The following PLEKHA8 variants were observed in gnomAD, a reference collection of about 807,000 sequenced individuals.
PLEKHA8 encodes pleckstrin homology domain containing A8.
Under a neutral mutation model 68.2 loss-of-function variants are expected in PLEKHA8, and 36 were observed. The ratio of observed to expected loss-of-function variants is 0.53; its 90% CI spans 0.40 to 0.70. The LOEUF (loss-of-function observed/expected upper bound fraction) is 0.70, where lower values mean the gene tolerates loss of function less well. Among genes scored for constraint, PLEKHA8 ranks in the 30% least tolerant of loss-of-function variants. The pLI is 0.00. For synonymous variants in PLEKHA8, 211 were observed against 216.1 expected (o/e 0.98, Z 0.20); for missense variants, 505 against 615.4 (o/e 0.82, Z 1.90).
At chr7:30,117,917 ATTT>A in intron 13 of PLEKHA8, 1 of 1,257,720 alleles carries the variant, frequency 8.0e-7, no homozygotes, top group Non-Finnish European at 1.1e-6. Context: ...CTTTATTCAT[ATTT>A]TTATTTTTTA....
chr7:30,105,906 TTTTAA>T (rs1376828804), intron 13 of PLEKHA8, among the ~76,000 whole-genome samples: 84 of 152,344 alleles, frequency 5.5e-4, no homozygotes, highest in African/African-American at 1.9e-3. Flanking sequence ...GTGTTTTAAA[TTTTAA>T]TTTAATCAAA....
Position 30,080,812 on chromosome 7 carries a change from C to T in PLEKHA8, c.*2025C>T, listed in dbSNP as rs1794893498. 1.0e-6 allele frequency: 1 copy of T among 985,244 alleles called. No homozygotes were observed. The highest frequency in any genetic ancestry group is 1.7e-5 in the African/African-American group (1 of 57,208). 61.0% of individuals were successfully genotyped at this position (985,244 alleles called of 1,614,324 possible). ...TGATGGCAGGACTCGGGGATAGTCC[C>T]TGCCCTTGACATAGCCCCCTAAAAC... On this transcript the variant is annotated 3_prime_UTR_variant, in exon 14 of 14. Transcript: ENST00000449726.
chr7:30,097,213 C>A (rs1441406311), intron 13 of PLEKHA8, among the ~76,000 whole-genome samples: 1 of 152,216 alleles, frequency 6.6e-6, no homozygotes, highest in Non-Finnish European at 1.5e-5. Flanking sequence ...GTCTGATGAA[C>A]TTCCCTTTGT....
intron 13 of PLEKHA8, among the ~76,000 whole-genome samples, chr7:30,112,867 T>G (rs1796316633): frequency 6.6e-6 from 1 of 151,542 alleles, no homozygotes; most frequent in African/African-American, 2.4e-5. Context: ...ACCACTGCAC[T>G]CCAGTTGGGG....
At position 30,083,965 on chromosome 7, in the gene PLEKHA8, T is replaced by G; in HGVS notation, c.*5178T>G. The G allele has an allele frequency of 1.0e-6, 1 of 985,462 alleles. No homozygotes were observed. The highest frequency in any genetic ancestry group is 1.2e-6 in the Non-Finnish European group (1 of 829,904). The allele number at this position is 985,462 out of a possible 1,614,324, so 61.0% of individuals were successfully genotyped here. ...AGGAAGGATGCTCTAGAAGTACTTC[T>G]GTTGTTTCCTAGAAGGCTATGAGCC... On this transcript the variant is annotated 3_prime_UTR_variant, in exon 14 of 14. Coordinates refer to ENST00000449726, the MANE Select transcript of PLEKHA8 (RefSeq NM_001197026.2).
At chr7:30,056,306 C>CTATATATATATA (rs1215690448) in intron 9 of PLEKHA8, among the ~76,000 whole-genome samples, 3 of 90,242 alleles carry the variant, frequency 3.3e-5, no homozygotes, top group African/African-American at 1.1e-4. Flanking sequence ...CTCTCTCTCT[C>CTATATATATATA]TCTCTCTATA....
intron 13 of PLEKHA8, among the ~76,000 whole-genome samples, chr7:30,127,212 G>A (rs1347212192): frequency 2.6e-5 from 4 of 152,154 alleles, no homozygotes; most frequent in Admixed American, 6.5e-5. Context: ...TAAAGTTGAC[G>A]TTACTTATGG....
intron 1 of PLEKHA8, among the ~76,000 whole-genome samples, chr7:30,039,754 G>A (rs539620693): frequency 1.2e-3 from 176 of 151,954 alleles, no homozygotes; most frequent in African/African-American, 4.1e-3. Flanking sequence ...ATATATAAGA[G>A]CATGTCTGTG....
chr7:30,116,025 T>TATGC (rs1796514246), intron 13 of PLEKHA8: 2 of 148,128 alleles, frequency 1.4e-5, no homozygotes, highest in Non-Finnish European at 3.0e-5. Flanking sequence ...CATACATACG[T>TATGC]ATACATACAT....
chr7:30,117,932 A>G, intron 13 of PLEKHA8: 1 of 1,433,478 alleles, frequency 7.0e-7, no homozygotes, highest in Non-Finnish European at 9.4e-7. Context: ...TATTTTTTAA[A>G]AAATTTAAAA....
chr7:30,066,438 G>A, intron 12 of PLEKHA8, among the ~76,000 whole-genome samples: 1 of 152,080 alleles, frequency 6.6e-6, no homozygotes, highest in East Asian at 1.9e-4. Flanking sequence ...TTTTGCACTT[G>A]AGCCATCACT....
intron 13 of PLEKHA8, among the ~76,000 whole-genome samples, chr7:30,098,023 T>C: frequency 6.6e-6 from 1 of 152,202 alleles, no homozygotes; most frequent in South Asian, 2.1e-4. Context: ...GTCCTTTCTG[T>C]TTGTTAGTTT....
At position 30,082,693 on chromosome 7, in the gene PLEKHA8, A is replaced by G; in HGVS notation, c.*3906A>G. On this transcript the variant is annotated 3_prime_UTR_variant, in exon 14 of 14. Transcript: ENST00000449726. ...TATGTGATAGGGACCAAATAAGTAAAGTACATTTTTCTCCACTAAATTTGA... is the reference window on the plus strand; with the variant it reads ...TATGTGATAGGGACCAAATAAGTAAGGTACATTTTTCTCCACTAAATTTGA... 1 of 985,134 alleles carries G rather than the reference A, an allele frequency of 1.0e-6. No individual in the cohort carries two copies. The highest frequency in any genetic ancestry group is 1.2e-6 in the Non-Finnish European group (1 of 829,630). The allele number at this position is 985,134 out of a possible 1,614,324, so 61.0% of individuals were successfully genotyped here.
At chr7:30,077,837 T>C (rs1794702907) in intron 13 of PLEKHA8, among the ~76,000 whole-genome samples, 1 of 152,146 alleles carries the variant, frequency 6.6e-6, no homozygotes, top group African/African-American at 2.4e-5. Flanking sequence ...TTAGGAAATA[T>C]TGGCCCGCAA....
rs904211599 is a variant in PLEKHA8 at position 30,028,539 on chromosome 7, C to T, written c.-224C>T. 1.9e-5 allele frequency: 7 copies of T among 374,208 alleles called. No individual in the cohort carries two copies. The highest frequency in any genetic ancestry group is 3.3e-5 in the Non-Finnish European group (7 of 211,076). 23.2% of individuals were successfully genotyped at this position (374,208 alleles called of 1,614,324 possible). On this transcript the variant is annotated 5_prime_UTR_variant, in exon 1 of 14. The change creates a new upstream start codon in the 5' untranslated region. Transcript: ENST00000449726. The stretch of plus-strand genomic sequence containing the variant: ...TGAACAGCGTGCCGGCTTCGCCCCA[C>T]GGGTTCACCGGCTGGCTGGGCTTCA...
At chr7:30,045,315 G>A in intron 2 of PLEKHA8, 114 bp downstream of exon 2, 1 of 724,796 alleles carries the variant, frequency 1.4e-6, no homozygotes, top group East Asian at 2.7e-5. Context: ...ACAGACCAAG[G>A]GACATAGTGT....
chr7:30,036,407 AATAGATAGATAGATAGATAG>A (rs55904639), intron 1 of PLEKHA8, among the ~76,000 whole-genome samples: 1,704 of 143,418 alleles, frequency 0.012, 22 homozygotes, highest in African/African-American at 0.024. Context: ...GATAGGATAG[AATAGATAGATAGATAGATAG>A]ATAGATAGAT....
intron 9 of PLEKHA8, among the ~76,000 whole-genome samples, chr7:30,055,725 G>T (rs1792793977): frequency 1.3e-5 from 2 of 152,198 alleles, no homozygotes; most frequent in South Asian, 4.1e-4. Flanking sequence ...GAGTGCAGTG[G>T]CATGATCTCT....
chr7:30,056,742 AGTGTGTGTGTG>A lies in PLEKHA8; in HGVS notation c.1039+1401_1039+1411del, dbSNP rs1273494422. ...CCTGTCTCAAAAAAAAAAAAAAAAA[AGTGTGTGTGTG>A]TGTGTGTGTGTGTGTGTGTGTGTGT... is the stretch of plus-strand genomic sequence containing the variant. On this transcript the variant is annotated intron_variant, in intron 9 of 13. Coordinates refer to ENST00000449726, the MANE Select transcript of PLEKHA8 (RefSeq NM_001197026.2). Among the ~76,000 whole-genome samples the A allele has an allele frequency of 4.1e-3, 310 of 74,782 alleles. 2 individuals carry two copies. Among genetic ancestry groups the A allele is most frequent in the Non-Finnish European group, 5.3e-3 (224 of 41,986 alleles). 49.1% of individuals were successfully genotyped at this position (74,782 alleles called of 152,430 possible). A position where few individuals can be genotyped will look rare whatever the true frequency, so the allele number is the denominator to read the frequency against.
Sources: gnomAD v4.1 joint callset for allele counts (sites outside exome capture counted in the v4.1 genomes callset) on GRCh38, gnomAD v4.1.1 for gene constraint, MANE v1.5 for transcripts, NCBI Gene and HGNC (gene_info 2026-07-23, HGNC 2026-07-21) for gene names.